The following FAM135A variants were observed in gnomAD, a reference collection of about 807,000 sequenced individuals.
The protein encoded by FAM135A is family with sequence similarity 135 member A.
Under a neutral mutation model 146.8 loss-of-function variants are expected in FAM135A, and 79 were observed. The ratio of observed to expected loss-of-function variants is 0.54; its 90% CI spans 0.45 to 0.65. FAM135A has a LOEUF of 0.65. Among genes scored for constraint, FAM135A ranks in the 30% least tolerant of loss-of-function variants. FAM135A has a pLI of 0.00. For missense variants in FAM135A, 1,623 were observed against 1,758.2 expected, an observed-to-expected ratio of 0.92 and a Z score of 1.38; for synonymous variants, 562 against 603.6, an observed-to-expected ratio of 0.93 and a Z score of 1.01.
At chr6:70,523,404 G>A (rs747622386) in intron 13 of FAM135A, among the ~76,000 whole-genome samples, 2 of 152,086 alleles carry the variant, frequency 1.3e-5, no homozygotes, top group South Asian at 2.1e-4. Flanking sequence ...GTTGAAGTTC[G>A]GAGGTATGTA....
chr6:70,540,428 C>G (rs943635911), intron 20 of FAM135A, among the ~76,000 whole-genome samples: 1 of 151,146 alleles, frequency 6.6e-6, no homozygotes. Flanking sequence ...GAGTTCACAC[C>G]ATTCTCCTGC....
At chr6:70,451,518 CTTTATGGAG>C (rs1285580421) in intron 4 of FAM135A, among the ~76,000 whole-genome samples, 2 of 152,096 alleles carry the variant, frequency 1.3e-5, no homozygotes, top group Non-Finnish European at 1.5e-5. Context: ...AGTCATCTAA[CTTTATGGAG>C]TTTTCTCATG....
intron 18 of FAM135A, 125 bp from the exon 19 acceptor site, chr6:70,536,135 A>G (rs1796751188): frequency 1.2e-6 from 1 of 856,534 alleles, no homozygotes; most frequent in South Asian, 2.2e-5. Context: ...AAGTATCACT[A>G]TACTTTTACA....
chr6:70,450,882 C>T (rs1239152329), intron 4 of FAM135A, among the ~76,000 whole-genome samples: 1 of 151,412 alleles, frequency 6.6e-6, no homozygotes, highest in African/African-American at 2.4e-5. Context: ...GCTGGGACCA[C>T]AGACACATGC....
At chr6:70,429,371 G>T (rs772532666) in intron 4 of FAM135A, among the ~76,000 whole-genome samples, 18 of 151,836 alleles carry the variant, frequency 1.2e-4, no homozygotes, top group Non-Finnish European at 2.2e-4. Flanking sequence ...AAATTAGCCG[G>T]GCGTGGTGGT....
At chr6:70,422,177 A>G (rs1768995731) in intron 2 of FAM135A, among the ~76,000 whole-genome samples, 1 of 152,218 alleles carries the variant, frequency 6.6e-6, no homozygotes, top group Non-Finnish European at 1.5e-5. Context: ...TTAGGGACAA[A>G]AAAGACTTCC....
At chr6:70,436,429 G>A (rs1196143192) in intron 4 of FAM135A, among the ~76,000 whole-genome samples, 1 of 152,078 alleles carries the variant, frequency 6.6e-6, no homozygotes, top group Non-Finnish European at 1.5e-5. Flanking sequence ...TCAGCTATCG[G>A]AATATAAATA....
Position 70,526,422 on chromosome 6 carries a change from A to G in FAM135A, c.3338A>G (p.Asn1113Ser). The change falls in exon 15 of 22, where the codon AAT (asparagine) becomes AGT (serine). Residue 1113 changes from asparagine to serine, a missense_variant. Physicochemically the swap from Asn to Ser is conservative, Grantham distance 46. Transcript: ENST00000418814. ...TATTCAGCTTTGGATGGAACAATAA[A>G]TGCTCACTATACAAGCAGAGATGAA... The part of the protein sequence containing the change: ...TDYSALDGTI[N>S]AHYTSRDELM... The G allele has an allele frequency of 6.2e-7, 1 of 1,613,636 alleles. No homozygotes were observed. Among genetic ancestry groups the G allele is most frequent in the South Asian group, 1.1e-5 (1 of 91,066 alleles).
At chr6:70,489,029 G>C (rs1233982230) in intron 10 of FAM135A, among the ~76,000 whole-genome samples, 1 of 152,138 alleles carries the variant, frequency 6.6e-6, no homozygotes, top group African/African-American at 2.4e-5. Flanking sequence ...GCTCTCAGTA[G>C]CTATAATGCA....
chr6:70,492,831 C>CT (rs1205191804), intron 11 of FAM135A, among the ~76,000 whole-genome samples: 12 of 151,978 alleles, frequency 7.9e-5, no homozygotes, highest in African/African-American at 2.9e-4. Flanking sequence ...TACTGAGCTT[C>CT]ATTTTTTGTA....
chr6:70,506,556 T>C (rs1789805333), intron 12 of FAM135A, among the ~76,000 whole-genome samples: 1 of 152,060 alleles, frequency 6.6e-6, no homozygotes. Flanking sequence ...CAGGCTGTAG[T>C]TTGCCAACGC....
Position 70,531,502 on chromosome 6 carries a change from G to A in FAM135A, c.3776-1658G>A, listed in dbSNP as rs112108868. 7.3e-3 allele frequency among the ~76,000 whole-genome samples: 1,119 copies of A among 152,314 alleles called. 20 individuals carry two copies. The highest frequency in any genetic ancestry group is 0.026 in the African/African-American group (1,077 of 41,568). On this transcript the variant is annotated intron_variant, in intron 16 of 21. Coordinates refer to ENST00000418814, the MANE Select transcript of FAM135A (RefSeq NM_001162529.3). ...GCACAATGGTTTTGACACCCATTGA[G>A]TGGAAAGTTTGTTCAACTTTAATTT... is the stretch of plus-strand genomic sequence containing the variant.
intron 5 of FAM135A, among the ~76,000 whole-genome samples, chr6:70,461,046 A>T (rs906344802): frequency 1.7e-4 from 25 of 151,474 alleles, no homozygotes. Flanking sequence ...CTGGTCTCAA[A>T]CTCCTCACCT....
chr6:70,534,439 C>A (rs1039149745), intron 18 of FAM135A, among the ~76,000 whole-genome samples: 3 of 150,906 alleles, frequency 2.0e-5, no homozygotes, highest in Admixed American at 2.0e-4. Flanking sequence ...CCCACCTCAG[C>A]CCCCCAAGTA....
At chr6:70,489,096 C>G (rs566477427) in intron 10 of FAM135A, among the ~76,000 whole-genome samples, 1 of 152,168 alleles carries the variant, frequency 6.6e-6, no homozygotes, top group East Asian at 1.9e-4. Context: ...AAATGTGTCA[C>G]AACTCTCAAA....
intron 2 of FAM135A, among the ~76,000 whole-genome samples, chr6:70,419,709 G>C (rs1768365841): frequency 6.6e-6 from 1 of 152,136 alleles, no homozygotes; most frequent in Admixed American, 6.5e-5. Flanking sequence ...TCATCTAATT[G>C]TGTGTGAATC....
intron 20 of FAM135A, among the ~76,000 whole-genome samples, chr6:70,538,835 A>ATTATATTATGTTATG (rs1281557294): frequency 8.9e-5 from 13 of 146,076 alleles, no homozygotes; most frequent in African/African-American, 2.5e-4. Context: ...ATTATATTAT[A>ATTATATTATGTTATG]TTATATTATA....
At chr6:70,533,877 A>G (rs780522675) in intron 18 of FAM135A, 23 bp downstream of exon 18, 54 of 1,183,208 alleles carry the variant, frequency 4.6e-5, no homozygotes, top group Middle Eastern at 2.8e-4. Context: ...ATATTATGCA[A>G]TTTATTTTTA....
In FAM135A at chr6:70,538,323, G is replaced by A. The variant is rs199844976; in HGVS notation, c.4150G>A (p.Gly1384Ser). ...LWFMQKWKKS[G>S]SLLQLTCRDH... ...GTTTATGCAGAAATGGAAAAAATCAGGTTCGCTTTTGCAGCTGACATGTCG... is the reference window on the plus strand; with the variant it reads ...GTTTATGCAGAAATGGAAAAAATCAAGTTCGCTTTTGCAGCTGACATGTCG... Residue 1384 changes from glycine (G) to serine (S), a missense_variant, in exon 20 of 22, where the codon GGT becomes AGT. Coordinates refer to ENST00000418814, the MANE Select transcript of FAM135A (RefSeq NM_001162529.3). 6.6e-7 allele frequency: 1 copy of A among 1,523,074 alleles called. No individual in the cohort carries two copies. Among genetic ancestry groups the A allele is most frequent in the Non-Finnish European group, 8.9e-7 (1 of 1,128,966 alleles). 94.3% of individuals were successfully genotyped at this position (1,523,074 alleles called of 1,614,324 possible).
Sources: allele counts gnomAD v4.1 joint callset (sites outside exome capture counted in the v4.1 genomes callset), GRCh38; gene constraint gnomAD v4.1.1; transcripts MANE v1.5; gene names NCBI Gene and HGNC (gene_info 2026-07-23, HGNC 2026-07-21).